The following BIVM variants were observed in gnomAD, a reference collection of about 807,000 sequenced individuals.
BIVM encodes basic, immunoglobulin-like variable motif containing.
A neutral mutation model predicts 61.4 loss-of-function variants in BIVM; 31 were observed. The ratio of observed to expected loss-of-function variants is 0.51; its 90% CI spans 0.38 to 0.68. BIVM has a LOEUF of 0.68. Ranked by LOEUF, BIVM falls within the 30% of genes least tolerant of loss-of-function variation. BIVM has a pLI of 0.00. For missense variants in BIVM, 526 were observed against 596.0 expected (o/e 0.88, Z 1.22); for synonymous variants, 189 against 210.7 (o/e 0.90, Z 0.89).
chr13:102,831,822 G>A lies in BIVM; in HGVS notation c.1034+125G>A, dbSNP rs967535013. 21 of 874,920 alleles carry A rather than the reference G, an allele frequency of 2.4e-5. No individual in the cohort carries two copies. In the African/African-American group the frequency reaches 3.6e-4, roughly 15 times the overall value. The allele number at this position is 874,920 out of a possible 1,614,324, so 54.2% of individuals were successfully genotyped here. On this transcript the variant is annotated intron_variant, in intron 8 of 10. Coordinates refer to ENST00000257336, the MANE Select transcript of BIVM (RefSeq NM_017693.4). The stretch of plus-strand genomic sequence containing the variant: ...AGGTGGGCGGATCACGAGGTCAGAA[G>A]ATCGAGACCATCCTGGCTAACACGG...
chr13:102,806,600 G>GC (rs1879105581), intron 2 of BIVM, among the ~76,000 whole-genome samples: 1 of 152,088 alleles, frequency 6.6e-6, no homozygotes, highest in South Asian at 2.1e-4. Flanking sequence ...CAGATACTTT[G>GC]CCCATTTTTA....
intron 3 of BIVM, among the ~76,000 whole-genome samples, chr13:102,814,772 G>T (rs1684071294): frequency 6.6e-6 from 1 of 152,178 alleles, no homozygotes; most frequent in South Asian, 2.1e-4. Flanking sequence ...GGTCACGCAT[G>T]ATGGCTCACA....
chr13:102,809,856 G>GCTCACTGCAAGCTCCGC (rs1879367057), intron 3 of BIVM, among the ~76,000 whole-genome samples: 1 of 150,586 alleles, frequency 6.6e-6, no homozygotes, highest in Admixed American at 6.6e-5. Flanking sequence ...CGCGATCTCG[G>GCTCACTGCAAGCTCCGC]CTCACTGCAA....
chr13:102,817,502 G>A (rs1195630738), intron 4 of BIVM, among the ~76,000 whole-genome samples: 1 of 152,226 alleles, frequency 6.6e-6, no homozygotes, highest in African/African-American at 2.4e-5. Context: ...CTACATTGAC[G>A]AGTTCTTTCT....
chr13:102,809,787 C>CTTTCTT (rs1555321180), intron 3 of BIVM, among the ~76,000 whole-genome samples: 8 of 127,324 alleles, frequency 6.3e-5, no homozygotes, highest in Non-Finnish European at 1.4e-4. Flanking sequence ...TCTTTTCTTT[C>CTTTCTT]TTTTTTTTTT....
rs1880310598 is a variant in BIVM, at chr13:102,821,811, G to A, written c.770G>A (p.Arg257Lys). ...TTTCAACCTCCATTTGAAGATATTA[G>A]GTTTGGTCCTTTCACGGGGAATACA... ...LGFQPPFEDI[R>K]FGPFTGNTTL... is the part of the protein sequence containing the mutation. The change falls in exon 6 of 11, where the codon AGG becomes AAG. Residue 257 changes from arginine (R) to lysine (K), a missense_variant. Around this residue, in one of 3 missense-constraint regions of BIVM, gnomAD observed 312 missense variants for 343.8 expected, o/e 0.91. Coordinates refer to ENST00000257336, the MANE Select transcript of BIVM (RefSeq NM_017693.4). 1.2e-6 allele frequency: 2 copies of A among 1,613,874 alleles called. No homozygotes were observed. The highest frequency in any genetic ancestry group is 2.2e-5 in the East Asian group (1 of 44,878).
intron 9 of BIVM, among the ~76,000 whole-genome samples, 158 bp from the exon 10 acceptor site, chr13:102,838,485 G>A (rs1881631623): frequency 6.6e-6 from 1 of 152,192 alleles, no homozygotes; most frequent in Non-Finnish European, 1.5e-5. Context: ...AAAACTAGAA[G>A]TTATTACAGT....
intron 3 of BIVM, among the ~76,000 whole-genome samples, chr13:102,811,452 T>C (rs768815154): frequency 5.3e-5 from 8 of 152,246 alleles, no homozygotes; most frequent in Non-Finnish European, 1.2e-4. Flanking sequence ...TTGATATTCT[T>C]ATTAACAGTC....
intron 4 of BIVM, among the ~76,000 whole-genome samples, chr13:102,819,023 G>GA (rs1046714232): frequency 2.1e-4 from 32 of 149,512 alleles, no homozygotes; most frequent in African/African-American, 6.8e-4. Flanking sequence ...ATTCACAGCA[G>GA]AAAAAAAAAA....
intron 7 of BIVM, among the ~76,000 whole-genome samples, chr13:102,826,436 T>G (rs544227032): frequency 1.3e-5 from 2 of 152,342 alleles, no homozygotes; most frequent in South Asian, 4.1e-4. Context: ...TAGCAGTGCC[T>G]TGAACATTGC....
In BIVM at chr13:102,815,478, A is replaced by C. The variant is rs569817582; in HGVS notation, c.479-950A>C. Among the ~76,000 whole-genome samples, 3 of 152,308 alleles carry C rather than the reference A, an allele frequency of 2.0e-5. No homozygotes were observed. The East Asian group carries it at 5.8e-4, about 29-fold the overall frequency. ...TACTTTATATAATTTTTTACTAGATACTTCACTAACGATTTAGAAATAAAA... is the reference window on the plus strand; with the variant it reads ...TACTTTATATAATTTTTTACTAGATCCTTCACTAACGATTTAGAAATAAAA... On this transcript the variant is annotated intron_variant, in intron 3 of 10. Coordinates refer to ENST00000257336, the MANE Select transcript of BIVM (RefSeq NM_017693.4).
chr13:102,807,595 A>G lies in BIVM; in HGVS notation c.328A>G (p.Ile110Val), dbSNP rs770649260. ...TGCTGGAAATAATTCATCAAGATAC[A>G]TTGGTATCCCGACTAGTACATCGGA... The part of the protein sequence containing the change: ...LSAGNNSSRY[I>V]GIPTSTSEII... Residue 110 changes from isoleucine (I) to valine (V), a missense_variant, in exon 3 of 11, where the codon ATT becomes GTT. By Grantham distance (29) the Ile-to-Val change is conservative (BLOSUM62 3). Around this residue, in one of 3 missense-constraint regions of BIVM, gnomAD observed 312 missense variants for 343.8 expected, o/e 0.91. Transcript: ENST00000257336. The surrounding 1 kb of genome is among the most constrained non-coding windows in gnomAD (Gnocchi z 4.0). 6.2e-7 allele frequency: 1 copy of G among 1,614,194 alleles called. No homozygotes were observed. Among genetic ancestry groups the G allele is most frequent in the Non-Finnish European group, 8.5e-7 (1 of 1,180,046 alleles).
intron 3 of BIVM, among the ~76,000 whole-genome samples, chr13:102,809,627 C>T (rs1431686288): frequency 6.6e-6 from 1 of 152,136 alleles, no homozygotes; most frequent in Non-Finnish European, 1.5e-5. Flanking sequence ...GTCTTTTCTC[C>T]ATTTAATTTC....
At position 102,831,654 on chromosome 13, in the gene BIVM, A is replaced by G. The variant is rs769264806; in HGVS notation, c.991A>G (p.Ile331Val). ...TTGCCAAAATCATTATTTTTGTCCAATTGGCTTCGAAGCAACCCCTGTTAA... is the reference window on the plus strand; with the variant it reads ...TTGCCAAAATCATTATTTTTGTCCAGTTGGCTTCGAAGCAACCCCTGTTAA... ...YHCQNHYFCPIGFEATPVKAN... is the reference protein window; with the variant it reads ...YHCQNHYFCPVGFEATPVKAN... The change falls in exon 8 of 11, where the codon ATT (isoleucine) becomes GTT (valine). Residue 331 changes from isoleucine to valine, a missense_variant. Coordinates refer to ENST00000257336, the MANE Select transcript of BIVM (RefSeq NM_017693.4). 6 of 1,614,170 alleles carry G rather than the reference A, an allele frequency of 3.7e-6. No individual in the cohort carries two copies. The highest frequency in any genetic ancestry group is 1.1e-5 in the South Asian group (1 of 91,076).
chr13:102,827,680 T>C (rs1880768176), intron 7 of BIVM, among the ~76,000 whole-genome samples: 1 of 152,192 alleles, frequency 6.6e-6, no homozygotes, highest in Admixed American at 6.5e-5. Flanking sequence ...CATTTTCCAT[T>C]TGCTATGTGC....
chr13:102,816,534 A>C lies in BIVM; in HGVS notation c.585A>C (p.Lys195Asn). The change falls in exon 4 of 11, where the codon AAA (lysine) becomes AAC (asparagine). Residue 195 changes from lysine to asparagine, a missense_variant. By Grantham distance (94) the Lys-to-Asn change is moderately conservative (BLOSUM62 0). This residue lies in a region of BIVM where 312 missense variants were observed against 343.8 expected (regional missense o/e 0.91). Transcript: ENST00000257336. ...HSPLEDIKQRKVLDLRRWYCI... is the reference protein window; with the variant it reads ...HSPLEDIKQRNVLDLRRWYCI... The stretch of plus-strand genomic sequence containing the variant: ...CTCTTGAAGATATTAAACAGCGGAA[A>C]GTATTAGACCTCAGACGATGGTGAT... 6.3e-7 allele frequency: 1 copy of C among 1,583,340 alleles called. No individual in the cohort carries two copies. The highest frequency in any genetic ancestry group is 8.6e-7 in the Non-Finnish European group (1 of 1,169,372).
rs565981886 is a variant in BIVM, at chr13:102,821,753, A to G, written c.712A>G (p.Ile238Val). 6.2e-7 allele frequency: 1 copy of G among 1,613,376 alleles called. No homozygotes were observed. The highest frequency in any genetic ancestry group is 8.5e-7 in the Non-Finnish European group (1 of 1,179,854). ...STMGAGNLPP[I>V]TQEEALHILG... ...ATGTTTCTTTTGTAGCCTTCCACCT[A>G]TTACCCAAGAAGAAGCTTTACATAT... The change falls in exon 6 of 11, where the codon ATT (isoleucine) becomes GTT (valine). Residue 238 changes from isoleucine (I) to valine (V), a missense_variant. Transcript: ENST00000257336.
At chr13:102,829,651 C>T (rs1362076160) in intron 7 of BIVM, among the ~76,000 whole-genome samples, 1 of 151,928 alleles carries the variant, frequency 6.6e-6, no homozygotes, top group East Asian at 1.9e-4. Context: ...CCAGCCTGGC[C>T]AACATAGTGA....
Position 102,807,535 on chromosome 13 carries a change from C to T in BIVM, c.268C>T (p.Arg90Cys), listed in dbSNP as rs142345845. 72 of 1,614,184 alleles carry T rather than the reference C, an allele frequency of 4.5e-5. No individual in the cohort carries two copies. The African/African-American group carries it at 7.9e-4, about 18-fold the overall frequency. Residue 90 changes from arginine (R) to cysteine (C), a missense_variant, in exon 3 of 11, where the codon CGC (arginine) becomes TGC (cysteine). By Grantham distance (180) the Arg-to-Cys change is radical. This residue lies in a region of BIVM where 312 missense variants were observed against 343.8 expected (regional missense o/e 0.91). Transcript: ENST00000257336. This position sits in a 1 kb window ranked among gnomAD's most constrained non-coding sequence, Gnocchi z 4.0. The stretch of plus-strand genomic sequence containing the variant: ...AATCTATAAAACTCCAAATCCATCC[C>T]GCTCTCCTTGCCTCCCTGATAGTAC... ...TSIYKTPNPS[R>C]SPCLPDSTSL...
Sources: gnomAD v4.1 joint callset for allele counts (sites outside exome capture counted in the v4.1 genomes callset) on GRCh38, gnomAD v4.1.1 for gene constraint, gnomAD v4.1.1 regional missense constraint, Gnocchi (gnomAD v3.1) non-coding constraint, MANE v1.5 for transcripts, NCBI Gene and HGNC (gene_info 2026-07-23, HGNC 2026-07-21) for gene names.